Variants in GPR158 observed in about 807,000 individuals in gnomAD.
The protein encoded by GPR158 is metabotropic glycine receptor.
A neutral mutation model predicts 78.2 loss-of-function variants in GPR158; 30 were observed. That is an observed-to-expected ratio of 0.38 (90% CI 0.29 to 0.52). The LOEUF (loss-of-function observed/expected upper bound fraction) is 0.52. GPR158 is among the 20% of genes least tolerant of loss of function. The pLI is 0.83. For synonymous variants in GPR158, 581 were observed against 591.1 expected, an observed-to-expected ratio of 0.98 and a Z score of 0.25; for missense variants, 1,463 against 1,523.5, an observed-to-expected ratio of 0.96 and a Z score of 0.66.
intron 2 of GPR158, among the ~76,000 whole-genome samples, chr10:25,362,480 T>C (rs188005252): frequency 0.011 from 1,732 of 152,062 alleles, 8 homozygotes; most frequent in Non-Finnish European, 0.016. Flanking sequence ...CTTCCCTATG[T>C]CTGCAAAAAA....
At chr10:25,358,577 C>T (rs545570931) in intron 2 of GPR158, among the ~76,000 whole-genome samples, 2 of 152,194 alleles carry the variant, frequency 1.3e-5, no homozygotes, top group South Asian at 4.1e-4. Context: ...TTACCTGCAG[C>T]CATCCATGTA....
intron 2 of GPR158, among the ~76,000 whole-genome samples, chr10:25,278,639 A>C (rs1192754327): frequency 2.0e-5 from 3 of 151,970 alleles, no homozygotes; most frequent in Non-Finnish European, 4.4e-5. Context: ...AATAATAAAA[A>C]CGAAGAGAAA....
At chr10:25,338,505 ATTACGTATAAT>A (rs1855254038) in intron 2 of GPR158, among the ~76,000 whole-genome samples, 1 of 138,154 alleles carries the variant, frequency 7.2e-6, no homozygotes, top group Non-Finnish European at 1.6e-5. Context: ...ACGTATATAT[ATTACGTATAAT>A]ATACGTATAT....
chr10:25,247,306 T>C (rs1255547391), intron 2 of GPR158, among the ~76,000 whole-genome samples: 2 of 111,810 alleles, frequency 1.8e-5, no homozygotes, highest in African/African-American at 6.6e-5. Flanking sequence ...CAATTTATTC[T>C]TTTTTTTTTT....
intron 5 of GPR158, among the ~76,000 whole-genome samples, chr10:25,503,593 T>C (rs1379267597): frequency 1.3e-5 from 2 of 152,170 alleles, no homozygotes; most frequent in Non-Finnish European, 2.9e-5. Context: ...GGAGAATCTC[T>C]GGGTATATTA....
chr10:25,215,467 T>C (rs1853196249), intron 1 of GPR158, among the ~76,000 whole-genome samples: 1 of 152,204 alleles, frequency 6.6e-6, no homozygotes, highest in African/African-American at 2.4e-5. Context: ...ATGTATGAAC[T>C]CAATACTACA....
intron 2 of GPR158, among the ~76,000 whole-genome samples, chr10:25,276,631 TAAGAC>T (rs1854186705): frequency 6.6e-6 from 1 of 152,190 alleles, no homozygotes; most frequent in Non-Finnish European, 1.5e-5. Flanking sequence ...TGGAAAGAGA[TAAGAC>T]AAGAGGAACA....
chr10:25,415,226 A>C (rs1038004221), intron 4 of GPR158, among the ~76,000 whole-genome samples: 6 of 152,092 alleles, frequency 3.9e-5, no homozygotes, highest in Non-Finnish European at 8.8e-5. Context: ...GAAAGTAAAA[A>C]GAAAACACAC....
intron 5 of GPR158, among the ~76,000 whole-genome samples, chr10:25,469,428 G>A (rs541389998): frequency 2.6e-5 from 4 of 152,140 alleles, no homozygotes; most frequent in Middle Eastern, 3.4e-3. Flanking sequence ...AGTTACTCAG[G>A]CCAAAAGCCT....
intron 1 of GPR158, among the ~76,000 whole-genome samples, chr10:25,211,724 C>G (rs914168438): frequency 6.6e-6 from 1 of 152,140 alleles, no homozygotes; most frequent in Non-Finnish European, 1.5e-5. Context: ...TTATCAACTA[C>G]TATATAATTT....
intron 5 of GPR158, among the ~76,000 whole-genome samples, chr10:25,541,373 T>C (rs1836581802): frequency 6.6e-6 from 1 of 152,130 alleles, no homozygotes; most frequent in East Asian, 1.9e-4. Flanking sequence ...TGATTTTTTT[T>C]CATTTTCTTT....
intron 4 of GPR158, among the ~76,000 whole-genome samples, chr10:25,436,521 G>A (rs1834999728): frequency 6.6e-6 from 1 of 152,212 alleles, no homozygotes; most frequent in African/African-American, 2.4e-5. Context: ...AATTAAAGTA[G>A]AATGCAAGTC....
intron 4 of GPR158, among the ~76,000 whole-genome samples, chr10:25,432,454 A>G (rs1038802014): frequency 6.6e-6 from 1 of 152,214 alleles, no homozygotes; most frequent in African/African-American, 2.4e-5. Context: ...ATATATGTGC[A>G]CAAAGATTTA....
At chr10:25,289,126 GT>G in intron 2 of GPR158, among the ~76,000 whole-genome samples, 1 of 152,256 alleles carries the variant, frequency 6.6e-6, no homozygotes, top group South Asian at 2.1e-4. Context: ...GTACTGCATG[GT>G]GTATGAAGAT....
intron 1 of GPR158, among the ~76,000 whole-genome samples, chr10:25,177,689 C>T (rs1282454874): frequency 6.6e-6 from 1 of 152,188 alleles, no homozygotes; most frequent in African/African-American, 2.4e-5. Context: ...TAGACAGTCT[C>T]TAGGGAGCCA....
intron 2 of GPR158, among the ~76,000 whole-genome samples, chr10:25,379,794 T>G (rs2130563322): frequency 6.6e-6 from 1 of 152,062 alleles, no homozygotes; most frequent in South Asian, 2.1e-4. Context: ...TCTTATCAGC[T>G]TACATCTGTC....
At chr10:25,395,683 A>G (rs757174803) in intron 2 of GPR158, among the ~76,000 whole-genome samples, 3 of 152,220 alleles carry the variant, frequency 2.0e-5, no homozygotes, top group Non-Finnish European at 4.4e-5. Context: ...GGAAGTAAAG[A>G]TGTGTGCAAC....
intron 5 of GPR158, among the ~76,000 whole-genome samples, chr10:25,485,063 A>G (rs778132878): frequency 6.6e-6 from 1 of 152,140 alleles, no homozygotes; most frequent in Non-Finnish European, 1.5e-5. Context: ...CTGACCTAAG[A>G]ATATGCGAAA....
intron 2 of GPR158, among the ~76,000 whole-genome samples, chr10:25,394,054 A>G (rs1319744643): frequency 6.6e-6 from 1 of 152,198 alleles, no homozygotes; most frequent in African/African-American, 2.4e-5. Flanking sequence ...CATTTCCAAA[A>G]CTGAACTTCT....
Sources: allele counts gnomAD v4.1 joint callset (sites outside exome capture counted in the v4.1 genomes callset), GRCh38; gene constraint gnomAD v4.1.1; transcripts MANE v1.5; gene names NCBI Gene and HGNC (gene_info 2026-07-23, HGNC 2026-07-21).